TENM2: variants seen among roughly 807,000 people sequenced by gnomAD.
TENM2 encodes the protein teneurin transmembrane protein 2.
TENM2 carries 52 observed loss-of-function variants against 245.2 expected under a neutral mutation model. The ratio of observed to expected loss-of-function variants is 0.21; its 90% CI spans 0.17 to 0.27. The LOEUF is 0.27. Among genes scored for constraint, TENM2 ranks in the 10% least tolerant of loss-of-function variants. The pLI is 1.00. For synonymous variants in TENM2, 1,363 were observed against 1,438.9 expected (o/e 0.95, Z 1.19); for missense variants, 3,046 against 3,666.8 (o/e 0.83, Z 4.37).
chr5:167,269,380 C>T, the TENM2 span, among the ~76,000 whole-genome samples: 6 of 152,060 alleles, frequency 3.9e-5, no homozygotes, highest in Admixed American at 3.9e-4. Context: ...ACGGTCCCTG[C>T]CCTCACAGAA....
chr5:168,102,955 G>A (rs371554424), intron 9 of TENM2, among the ~76,000 whole-genome samples: 90 of 152,106 alleles, frequency 5.9e-4, no homozygotes, highest in Middle Eastern at 6.8e-3. Context: ...ATGTATACAT[G>A]TGCCATGTTG....
chr5:167,583,449 G>A (rs1775236608), intron 2 of TENM2, among the ~76,000 whole-genome samples: 1 of 143,328 alleles, frequency 7.0e-6, no homozygotes, highest in African/African-American at 2.6e-5. Context: ...CTGTGGAGCT[G>A]TGAAAAGGCA....
rs1389221176 is a variant in TENM2 at position 167,794,903 on chromosome 5, G to T, written c.503-81083G>T. 2.6e-5 allele frequency among the ~76,000 whole-genome samples: 4 copies of T among 152,334 alleles called. No individual in the cohort carries two copies. In the South Asian group the frequency reaches 8.3e-4, roughly 32 times the overall value. ...TGATATTAATTTCTTTCTTTTCACA[G>T]ATGTACTGTGGTTAGGTAAGAGGTT... On this transcript the variant is annotated intron_variant, in intron 2 of 28. Coordinates refer to ENST00000518659, the Ensembl canonical transcript of TENM2.
At chr5:167,825,423 T>C (rs1024958532) in intron 2 of TENM2, among the ~76,000 whole-genome samples, 1 of 152,178 alleles carries the variant, frequency 6.6e-6, no homozygotes, top group African/African-American at 2.4e-5. Flanking sequence ...TCCATGAACA[T>C]CTTTTGAGAA....
At chr5:167,888,654 A>G (rs1319448170) in intron 3 of TENM2, among the ~76,000 whole-genome samples, 1 of 152,208 alleles carries the variant, frequency 6.6e-6, no homozygotes, top group South Asian at 2.1e-4. Context: ...CTAGAATCCA[A>G]ATAAACTAGT....
intron 2 of TENM2, among the ~76,000 whole-genome samples, chr5:167,629,200 A>G (rs1022569078): frequency 6.6e-5 from 10 of 152,220 alleles, no homozygotes; most frequent in African/African-American, 2.4e-4. Flanking sequence ...TTTGACTTCT[A>G]GAAGAAAAAG....
intron 2 of TENM2, among the ~76,000 whole-genome samples, chr5:167,813,653 C>A (rs1033422107): frequency 1.3e-5 from 2 of 152,120 alleles, no homozygotes; most frequent in Admixed American, 1.3e-4. Context: ...GCCCAGTCAG[C>A]AGCCTGAGCA....
chr5:167,576,680 A>G lies in TENM2; in HGVS notation c.502+201207A>G, dbSNP rs553420770. 3.3e-5 allele frequency among the ~76,000 whole-genome samples: 5 copies of G among 152,324 alleles called. No homozygotes were observed. The South Asian group carries it at 1.0e-3, about 32-fold the overall frequency. On this transcript the variant is annotated intron_variant, in intron 2 of 28. Transcript: ENST00000518659. Reference sequence around the variant, plus strand: ...GTCAGAGGAAGAACTGAAATAGAATACCCTGAGAAGAGTAATGATCAAACG... The same window carrying G: ...GTCAGAGGAAGAACTGAAATAGAATGCCCTGAGAAGAGTAATGATCAAACG...
At chr5:167,920,934 G>T (rs981561620) in intron 3 of TENM2, among the ~76,000 whole-genome samples, 1 of 152,022 alleles carries the variant, frequency 6.6e-6, no homozygotes, top group Non-Finnish European at 1.5e-5. Context: ...TTGAAACTAG[G>T]TTATTATCCT....
intron 7 of TENM2, among the ~76,000 whole-genome samples, chr5:168,068,876 G>A (rs1395529692): frequency 6.6e-6 from 1 of 151,504 alleles, no homozygotes; most frequent in African/African-American, 2.4e-5. Flanking sequence ...TGTGTAATAA[G>A]TGAATCTGTA....
the TENM2 span, among the ~76,000 whole-genome samples, chr5:167,228,980 G>A: frequency 1.3e-5 from 2 of 152,156 alleles, no homozygotes; most frequent in Admixed American, 6.5e-5. Flanking sequence ...GATTACAGGC[G>A]TGAGCCACCG....
At chr5:168,226,142 C>A in exon 24 of TENM2, 1 of 1,613,754 alleles carries the variant, frequency 6.2e-7, no homozygotes, top group Non-Finnish European at 8.5e-7. Flanking sequence ...GGGTGGTAAC[C>A]AGTCTGCACC....
chr5:167,232,644 T>C, the TENM2 span, among the ~76,000 whole-genome samples: 1 of 152,214 alleles, frequency 6.6e-6, no homozygotes, highest in African/African-American at 2.4e-5. Context: ...GTGCTGGGAT[T>C]ACAGGCATGA....
chr5:167,155,150 T>C, the TENM2 span, among the ~76,000 whole-genome samples: 1 of 152,242 alleles, frequency 6.6e-6, no homozygotes, highest in African/African-American at 2.4e-5. Context: ...ATACTGATTT[T>C]GCTGTGTCAT....
At chr5:168,134,765 G>A (rs1207016350) in intron 12 of TENM2, among the ~76,000 whole-genome samples, 1 of 152,176 alleles carries the variant, frequency 6.6e-6, no homozygotes, top group Non-Finnish European at 1.5e-5. Context: ...AATCCCTCAA[G>A]AAGTTAGTAG....
intron 4 of TENM2, among the ~76,000 whole-genome samples, chr5:167,961,395 T>C (rs1247666931): frequency 6.6e-6 from 1 of 152,210 alleles, no homozygotes; most frequent in Non-Finnish European, 1.5e-5. Flanking sequence ...CTTTTTCCTC[T>C]CCACACTTAC....
chr5:167,193,974 T>G, the TENM2 span, among the ~76,000 whole-genome samples: 1 of 152,130 alleles, frequency 6.6e-6, no homozygotes, highest in African/African-American at 2.4e-5. Flanking sequence ...GGCGAGGCAC[T>G]TTGCCCGAGA....
chr5:167,910,380 G>T (rs1384292700), intron 3 of TENM2, among the ~76,000 whole-genome samples: 1 of 152,118 alleles, frequency 6.6e-6, no homozygotes, highest in Non-Finnish European at 1.5e-5. Context: ...AGTCCCTGGG[G>T]TAGCCAAAAT....
intron 2 of TENM2, among the ~76,000 whole-genome samples, chr5:167,582,636 T>A (rs1165560183): frequency 6.6e-6 from 1 of 152,214 alleles, no homozygotes; most frequent in Non-Finnish European, 1.5e-5. Context: ...TCTAATCTAT[T>A]TGTTTTAAGC....
Sources: allele counts gnomAD v4.1 joint callset (sites outside exome capture counted in the v4.1 genomes callset), GRCh38; gene constraint gnomAD v4.1.1; transcripts MANE v1.5; gene names NCBI Gene and HGNC (gene_info 2026-07-23, HGNC 2026-07-21).